CCDC18: variants seen among roughly 807,000 people sequenced by gnomAD.
CCDC18 encodes coiled-coil domain containing 18.
A neutral mutation model predicts 196.0 loss-of-function variants in CCDC18; 157 were observed. The observed-to-expected ratio is 0.80, with a 90% CI of 0.70 to 0.91. The LOEUF is 0.91. Among genes scored for constraint, CCDC18 ranks in the 40% least tolerant of loss-of-function variants. The pLI is 0.00. For missense variants in CCDC18, 1,465 were observed against 1,611.6 expected (o/e 0.91, Z 1.56); for synonymous variants, 482 against 529.2 (o/e 0.91, Z 1.22).
Position 93,203,228 on chromosome 1 carries a change from A to G in CCDC18, c.795+1240A>G, listed in dbSNP as rs182910004. On this transcript the variant is annotated intron_variant, in intron 7 of 28. Coordinates refer to ENST00000690025, the MANE Select transcript of CCDC18 (RefSeq NM_001378204.1). ...ATTAGAAGCGGGCAGTATGAGAAAG[A>G]AGAATATAGGATATTTTTAGGTTGC... Among the ~76,000 whole-genome samples the G allele has an allele frequency of 2.0e-5, 3 of 152,312 alleles. No individual in the cohort carries two copies. The East Asian group carries it at 5.8e-4, about 29-fold the overall frequency.
At chr1:93,242,170 A>T (rs1487059750) in intron 21 of CCDC18, among the ~76,000 whole-genome samples, 1 of 152,180 alleles carries the variant, frequency 6.6e-6, no homozygotes, top group East Asian at 1.9e-4. Flanking sequence ...GGATAAACAA[A>T]ATATAGTGTC....
chr1:93,206,142 G>A (rs1467885303), intron 8 of CCDC18, among the ~76,000 whole-genome samples: 1 of 151,836 alleles, frequency 6.6e-6, no homozygotes, highest in Non-Finnish European at 1.5e-5. Flanking sequence ...ACTTTCAGAG[G>A]TTAATATTAA....
At chr1:93,255,141 T>C (rs2101071555) in intron 24 of CCDC18, among the ~76,000 whole-genome samples, 1 of 151,860 alleles carries the variant, frequency 6.6e-6, no homozygotes, top group South Asian at 2.1e-4. Flanking sequence ...TTAGTAGAGA[T>C]GGTGTTTCAC....
upstream of CCDC18, chr1:93,180,003 C>T (rs1465095112): frequency 3.2e-6 from 5 of 1,558,790 alleles, no homozygotes; most frequent in African/African-American, 2.7e-5. Context: ...GAGGCGACAA[C>T]GCAGTGCAGC....
At chr1:93,198,039 C>T (rs925581383) in intron 6 of CCDC18, among the ~76,000 whole-genome samples, 2 of 151,802 alleles carry the variant, frequency 1.3e-5, no homozygotes, top group Admixed American at 6.6e-5. Flanking sequence ...GTGTGAGCCA[C>T]CGCGCCCGGC....
intron 12 of CCDC18, among the ~76,000 whole-genome samples, chr1:93,216,369 CTT>C (rs1222915652): frequency 1.3e-5 from 2 of 152,166 alleles, no homozygotes; most frequent in Non-Finnish European, 2.9e-5. Flanking sequence ...AATTAAATGA[CTT>C]ATGTTTTACA....
intron 4 of CCDC18, chr1:93,190,854 C>G: frequency 1.4e-6 from 1 of 726,238 alleles, no homozygotes; most frequent in Non-Finnish European, 2.5e-6. Context: ...TGCACTCAAG[C>G]CTTAGCACAA....
chr1:93,204,422 G>C (rs542930675), intron 7 of CCDC18, among the ~76,000 whole-genome samples: 1 of 152,194 alleles, frequency 6.6e-6, no homozygotes, highest in Admixed American at 6.5e-5. Context: ...AACTTGGGGT[G>C]AGTATTTCTC....
Position 93,254,538 on chromosome 1 carries a change from T to C in CCDC18, c.3266T>C (p.Leu1089Pro), listed in dbSNP as rs373885826. Residue 1089 changes from leucine to proline, a missense_variant, in exon 24 of 29, where the codon CTA becomes CCA. Transcript: ENST00000690025. ...EQLREKEFIMLQNEQEISQLK... is the reference protein window; with the variant it reads ...EQLREKEFIMPQNEQEISQLK... ...CTTCGAGAAAAAGAGTTTATAATGC[T>C]ACAAAATGAACAGGAGATAAGTCAA... is the stretch of plus-strand genomic sequence containing the variant. 3 of 1,605,790 alleles carry C rather than the reference T, an allele frequency of 1.9e-6. No individual in the cohort carries two copies. The highest frequency in any genetic ancestry group is 2.6e-6 in the Non-Finnish European group (3 of 1,174,576).
intron 21 of CCDC18, among the ~76,000 whole-genome samples, chr1:93,243,209 A>G (rs750215023): frequency 1.6e-4 from 24 of 152,120 alleles, no homozygotes; most frequent in Non-Finnish European, 2.6e-4. Context: ...GCCTTTCCAT[A>G]TATCCTCTGA....
Position 93,227,763 on chromosome 1 carries a change from G to C in CCDC18, c.2292+1314G>C, listed in dbSNP as rs543336113. 2.0e-5 allele frequency among the ~76,000 whole-genome samples: 3 copies of C among 151,442 alleles called. No homozygotes were observed. The South Asian group carries it at 6.3e-4, about 32-fold the overall frequency. On this transcript the variant is annotated intron_variant, in intron 17 of 28. Transcript: ENST00000690025. ...GAGGCCGGGAGTTCAAGACCAGCCT[G>C]GGCAACATGGGGCAAAACCCCATCT...
Position 93,236,348 on chromosome 1 carries a change from A to C in CCDC18, c.2561A>C (p.Asp854Ala). 1 of 1,586,946 alleles carries C rather than the reference A, an allele frequency of 6.3e-7. No homozygotes were observed. The highest frequency in any genetic ancestry group is 8.5e-7 in the Non-Finnish European group (1 of 1,171,196). The change falls in exon 19 of 29, where the codon GAT (aspartate) becomes GCT (alanine). Residue 854 changes from aspartate to alanine, a missense_variant. Physicochemically the swap from Asp to Ala is moderately radical, Grantham distance 126. Coordinates refer to ENST00000690025, the MANE Select transcript of CCDC18 (RefSeq NM_001378204.1). The part of the protein sequence containing the change: ...EKCESAAHEA[D>A]LKRQKVIELT... Reference sequence around the variant, plus strand: ...TGTGAATCAGCTGCACATGAAGCAGATTTGAAAAGGCAAAAAGTGATTGAG... The same window carrying C: ...TGTGAATCAGCTGCACATGAAGCAGCTTTGAAAAGGCAAAAAGTGATTGAG...
intron 27 of CCDC18, among the ~76,000 whole-genome samples, chr1:93,266,700 T>C (rs927912684): frequency 1.3e-5 from 2 of 151,860 alleles, no homozygotes; most frequent in Non-Finnish European, 2.9e-5. Flanking sequence ...CTAGAAGAAA[T>C]GGATAAAGTC....
chr1:93,193,228 C>A (rs1406101777), intron 5 of CCDC18, among the ~76,000 whole-genome samples: 1 of 152,070 alleles, frequency 6.6e-6, no homozygotes, highest in African/African-American at 2.4e-5. Flanking sequence ...TTTTGTCTTT[C>A]CTTTTCAGCA....
upstream of CCDC18, chr1:93,180,470 C>T: frequency 2.1e-6 from 3 of 1,460,332 alleles, no homozygotes; most frequent in South Asian, 2.5e-5. Context: ...GCCTCAGTCT[C>T]GGCCCCCTCA....
chr1:93,216,642 A>G lies in CCDC18; in HGVS notation c.1726A>G (p.Lys576Glu). 2.6e-6 allele frequency: 4 copies of G among 1,513,144 alleles called. No individual in the cohort carries two copies. Among genetic ancestry groups the G allele is most frequent in the Non-Finnish European group, 3.6e-6 (4 of 1,115,486 alleles). The allele number at this position is 1,513,144 out of a possible 1,614,324, so 93.7% of individuals were successfully genotyped here. ...NSSKLESEMT[K>E]KCSQLLTLEK... Reference sequence around the variant, plus strand: ...TATTTCAATGTGTTTTCAGATGACAAAGAAATGTTCTCAACTTTTAACTCT... The same window carrying G: ...TATTTCAATGTGTTTTCAGATGACAGAGAAATGTTCTCAACTTTTAACTCT... The change falls in exon 13 of 29, where the codon AAG (lysine) becomes GAG (glutamate). Residue 576 changes from lysine to glutamate, a missense_variant. Transcript: ENST00000690025.
At chr1:93,271,495 G>T in intron 28 of CCDC18, 2 of 985,194 alleles carry the variant, frequency 2.0e-6, no homozygotes, top group East Asian at 1.1e-4. Context: ...GTATCTTCAG[G>T]CTTCTTTATT....
chr1:93,246,862 C>T lies in CCDC18; in HGVS notation c.3106C>T (p.Arg1036Cys), dbSNP rs757538758. ...AQVTHLDMTI[R>C]EHRGEMEQKI... The stretch of plus-strand genomic sequence containing the variant: ...GGTTACACATTTGGATATGACTATT[C>T]GTGAGCACAGAGGAGAAATGGAACA... The change falls in exon 23 of 29, where the codon CGT becomes TGT. Residue 1036 changes from arginine to cysteine, a missense_variant. Coordinates refer to ENST00000690025, the MANE Select transcript of CCDC18 (RefSeq NM_001378204.1). The T allele has an allele frequency of 4.6e-6, 7 of 1,531,200 alleles. 1 individual carries two copies. The South Asian group carries it at 5.8e-5, about 13-fold the overall frequency. The allele number at this position is 1,531,200 out of a possible 1,614,324, so 94.9% of individuals were successfully genotyped here.
chr1:93,180,154 G>T (rs1229940950), upstream of CCDC18: 2 of 1,613,380 alleles, frequency 1.2e-6, no homozygotes, highest in South Asian at 1.1e-5. Flanking sequence ...ATCGAGGGAA[G>T]GTGTGAAGCC....
Sources: allele counts gnomAD v4.1 joint callset (sites outside exome capture counted in the v4.1 genomes callset), GRCh38; gene constraint gnomAD v4.1.1; transcripts MANE v1.5; gene names NCBI Gene and HGNC (gene_info 2026-07-23, HGNC 2026-07-21).